The following PTPN5 variants were observed in gnomAD, a reference collection of about 807,000 sequenced individuals.
PTPN5 encodes tyrosine-protein phosphatase non-receptor type 5.
Under a neutral mutation model 73.9 loss-of-function variants are expected in PTPN5, and 29 were observed. The observed-to-expected ratio is 0.39, with a 90% CI of 0.29 to 0.54. The LOEUF (loss-of-function observed/expected upper bound fraction) is 0.54, where lower values mean the gene tolerates loss of function less well. PTPN5 is among the 20% of genes least tolerant of loss of function. PTPN5 has a pLI of 0.65. For synonymous variants in PTPN5, 267 were observed against 304.7 expected (o/e 0.88, Z 1.29); for missense variants, 652 against 751.4 (o/e 0.87, Z 1.55).
intron 3 of PTPN5, among the ~76,000 whole-genome samples, chr11:18,759,315 A>G (rs990758507): frequency 1.3e-5 from 2 of 152,238 alleles, no homozygotes; most frequent in Admixed American, 6.5e-5. Flanking sequence ...CTCTGTGAAG[A>G]TGTCATCATA....
In PTPN5 at chr11:18,742,824, AAAG is replaced by A. The variant is rs1280967654; in HGVS notation, c.483+165_483+167del. Among the ~76,000 whole-genome samples, 4 of 152,136 alleles carry A rather than the reference AAAG, an allele frequency of 2.6e-5. No homozygotes were observed. Among genetic ancestry groups the A allele is most frequent in the African/African-American group, 9.7e-5 (4 of 41,424 alleles). ...CAGATCACTGCAAACCAATTTTCGGAAAGAAGGAGGCTCTTGCCCCAGGCTGGC... is the reference window on the plus strand; with the variant it reads ...CAGATCACTGCAAACCAATTTTCGGAAAGGAGGCTCTTGCCCCAGGCTGGC... On this transcript the variant is annotated intron_variant, in intron 6 of 14. Coordinates refer to ENST00000358540, the MANE Select transcript of PTPN5 (RefSeq NM_006906.2). The surrounding 1 kb of genome is among the most constrained non-coding windows in gnomAD (Gnocchi z 4.1).
intron 8 of PTPN5, among the ~76,000 whole-genome samples, chr11:18,739,446 G>T (rs1047837770): frequency 6.6e-6 from 1 of 152,226 alleles, no homozygotes; most frequent in African/African-American, 2.4e-5. Context: ...GACTGGCCCA[G>T]TTTGAAGTGG....
chr11:18,769,396 T>A (rs1850776267), intron 2 of PTPN5, among the ~76,000 whole-genome samples: 1 of 151,102 alleles, frequency 6.6e-6, no homozygotes, highest in Admixed American at 6.6e-5. Flanking sequence ...TGGTTTTTTT[T>A]TAAATTAATT....
intron 1 of PTPN5, among the ~76,000 whole-genome samples, chr11:18,789,212 T>C (rs1482797156): frequency 6.6e-6 from 1 of 152,178 alleles, no homozygotes; most frequent in East Asian, 1.9e-4. Flanking sequence ...GCATTTTCTA[T>C]GTGTTAGGGA....
chr11:18,731,655 C>A (rs185959118), intron 12 of PTPN5, among the ~76,000 whole-genome samples: 5 of 152,312 alleles, frequency 3.3e-5, no homozygotes, highest in African/African-American at 1.2e-4. Context: ...GCCCTTCATG[C>A]CCTCCAACAA....
At chr11:18,784,579 T>C (rs1172225516) in intron 1 of PTPN5, among the ~76,000 whole-genome samples, 1 of 152,210 alleles carries the variant, frequency 6.6e-6, no homozygotes, top group African/African-American at 2.4e-5. Flanking sequence ...GTGGTGATGG[T>C]TGTATAACAC....
chr11:18,729,721 C>G lies in PTPN5; in HGVS notation c.1427G>C (p.Arg476Pro). The stretch of plus-strand genomic sequence containing the variant: ...CTGCTGGGCTGCCTCCTCCACCTCC[C>G]GCACCAGGTGCAGGAGTGGGGGGGC... ...DRAPPLLHLV[R>P]EVEEAAQQEG... is the part of the protein sequence containing the mutation. The change falls in exon 13 of 15, where the codon CGG becomes CCG. Residue 476 changes from arginine to proline, a missense_variant. By Grantham distance (103) the Arg-to-Pro change is moderately radical. Coordinates refer to ENST00000358540, the MANE Select transcript of PTPN5 (RefSeq NM_006906.2). This position sits in a 1 kb window ranked among gnomAD's most constrained non-coding sequence, Gnocchi z 5.2. 6.3e-7 allele frequency: 1 copy of G among 1,595,446 alleles called. No homozygotes were observed. The highest frequency in any genetic ancestry group is 8.6e-7 in the Non-Finnish European group (1 of 1,167,830).
chr11:18,768,104 A>C (rs1850718288), intron 2 of PTPN5, among the ~76,000 whole-genome samples: 1 of 152,278 alleles, frequency 6.6e-6, no homozygotes, highest in South Asian at 2.1e-4. Flanking sequence ...GGTTCGTAGT[A>C]GGATGTTCAA....
At position 18,771,183 on chromosome 11, in the gene PTPN5, T is replaced by C. The variant is rs532263234; in HGVS notation, c.20+756A>G. Among the ~76,000 whole-genome samples the C allele has an allele frequency of 6.6e-5, 10 of 152,182 alleles. No individual in the cohort carries two copies. The South Asian group carries it at 2.1e-3, about 32-fold the overall frequency. The stretch of plus-strand genomic sequence containing the variant: ...TCTATCCTGGGCTTTGTGCTCCTGG[T>C]ACCCCGTAAATACCCCTCACTGTCA... On this transcript the variant is annotated intron_variant, in intron 2 of 14. Coordinates refer to ENST00000358540, the MANE Select transcript of PTPN5 (RefSeq NM_006906.2).
At chr11:18,768,933 C>G (rs943531073) in intron 2 of PTPN5, among the ~76,000 whole-genome samples, 5 of 152,276 alleles carry the variant, frequency 3.3e-5, no homozygotes, top group Admixed American at 2.0e-4. Context: ...CTGCTCTCTC[C>G]TTCCCCACTT....
At chr11:18,740,841 G>T in intron 7 of PTPN5, 49 bp from the exon 8 acceptor site, 1 of 1,316,174 alleles carries the variant, frequency 7.6e-7, no homozygotes, top group Non-Finnish European at 1.0e-6. Context: ...AGAGGGACGG[G>T]CATGAGCTGG....
intron 1 of PTPN5, among the ~76,000 whole-genome samples, chr11:18,774,902 A>T (rs115148229): frequency 0.014 from 2,199 of 152,314 alleles, 48 homozygotes; most frequent in African/African-American, 0.05. Context: ...AGGAAGCAGG[A>T]AAAAGGGCAG....
intron 3 of PTPN5, among the ~76,000 whole-genome samples, chr11:18,759,616 A>T (rs977959782): frequency 3.9e-5 from 6 of 152,206 alleles, no homozygotes; most frequent in African/African-American, 1.4e-4. Context: ...TTTCGTTTAT[A>T]CTTTAATTAT....
chr11:18,765,983 C>T, intron 2 of PTPN5, 100 bp from the exon 3 acceptor site: 1 of 872,806 alleles, frequency 1.1e-6, no homozygotes, highest in Non-Finnish European at 1.9e-6. Flanking sequence ...TATTCTGTAT[C>T]CCTTTGAATA....
chr11:18,736,351 G>A (rs1318191824), intron 9 of PTPN5, among the ~76,000 whole-genome samples: 4 of 152,200 alleles, frequency 2.6e-5, no homozygotes, highest in Non-Finnish European at 4.4e-5. Context: ...CTTGGGACAC[G>A]GCGGAGAAGG....
At chr11:18,775,816 C>T (rs1450874235) in intron 1 of PTPN5, among the ~76,000 whole-genome samples, 4 of 152,062 alleles carry the variant, frequency 2.6e-5, no homozygotes, top group African/African-American at 7.2e-5. Context: ...GCTTCAATTC[C>T]AGGCCTGTCA....
chr11:18,758,065 G>A (rs1245989720), intron 3 of PTPN5, among the ~76,000 whole-genome samples: 1 of 152,134 alleles, frequency 6.6e-6, no homozygotes, highest in African/African-American at 2.4e-5. Flanking sequence ...ATGGGATGAA[G>A]GCCAAGGGGA....
intron 3 of PTPN5, among the ~76,000 whole-genome samples, chr11:18,756,924 A>AC (rs1850173734): frequency 7.1e-6 from 1 of 141,040 alleles, no homozygotes; most frequent in Non-Finnish European, 1.6e-5. Context: ...ACTCCATCAA[A>AC]AAAAAAAAAA....
At chr11:18,753,177 G>A (rs955384420) in intron 3 of PTPN5, among the ~76,000 whole-genome samples, 7 of 152,186 alleles carry the variant, frequency 4.6e-5, no homozygotes, top group African/African-American at 1.7e-4. Context: ...TTCAGCCCAA[G>A]GTCCCCCCAG....
Sources: gnomAD v4.1 joint callset for allele counts (sites outside exome capture counted in the v4.1 genomes callset) on GRCh38, gnomAD v4.1.1 for gene constraint, Gnocchi (gnomAD v3.1) non-coding constraint, MANE v1.5 for transcripts, NCBI Gene and HGNC (gene_info 2026-07-23, HGNC 2026-07-21) for gene names.